The following MAP2K1 variants were observed in gnomAD, a reference collection of about 807,000 sequenced individuals.
The protein encoded by MAP2K1 is mitogen-activated protein kinase kinase 1, also known as dual specificity mitogen-activated protein kinase kinase 1.
A neutral mutation model predicts 46.3 loss-of-function variants in MAP2K1; 16 were observed. The observed-to-expected ratio is 0.35, with a 90% CI of 0.23 to 0.52. The LOEUF (loss-of-function observed/expected upper bound fraction) is 0.52. Among genes scored for constraint, MAP2K1 ranks in the 20% least tolerant of loss-of-function variants. The pLI is 0.94. For missense variants in MAP2K1, 263 were observed against 497.1 expected, an observed-to-expected ratio of 0.53 and a Z score of 4.48; for synonymous variants, 183 against 185.6, an observed-to-expected ratio of 0.99 and a Z score of 0.11.
chr15:66,398,064 T>G (rs1466678046), intron 1 of MAP2K1, among the ~76,000 whole-genome samples: 2 of 150,780 alleles, frequency 1.3e-5, no homozygotes, highest in African/African-American at 4.9e-5. Context: ...AGCATGCCAT[T>G]GCACTCCAGC....
At chr15:66,434,212 A>G (rs1311177241) in intron 1 of MAP2K1, among the ~76,000 whole-genome samples, 1 of 152,234 alleles carries the variant, frequency 6.6e-6, no homozygotes. Context: ...CATTACTGTC[A>G]AACTAGATGA....
chr15:66,455,827 C>G (rs1892152292), intron 5 of MAP2K1, among the ~76,000 whole-genome samples: 1 of 152,222 alleles, frequency 6.6e-6, no homozygotes, highest in African/African-American at 2.4e-5. Context: ...CTGGCTAGCT[C>G]AACTGGTCCA....
chr15:66,408,699 T>A (rs1214295428), intron 1 of MAP2K1, among the ~76,000 whole-genome samples: 1 of 152,210 alleles, frequency 6.6e-6, no homozygotes, highest in South Asian at 2.1e-4. Flanking sequence ...CCAGACATCT[T>A]CCTCAGTGGG....
At chr15:66,425,470 T>G (rs955135409) in intron 1 of MAP2K1, among the ~76,000 whole-genome samples, 1 of 152,240 alleles carries the variant, frequency 6.6e-6, no homozygotes, top group South Asian at 2.1e-4. Context: ...CTGACAGATG[T>G]GTAGGTGAGA....
intron 6 of MAP2K1, among the ~76,000 whole-genome samples, chr15:66,484,631 G>A (rs1421228116): frequency 6.6e-6 from 1 of 152,198 alleles, no homozygotes; most frequent in African/African-American, 2.4e-5. Context: ...GTGACAAGAT[G>A]AGCCTCTCAT....
chr15:66,478,232 G>C (rs993282785), intron 5 of MAP2K1, among the ~76,000 whole-genome samples: 1 of 146,772 alleles, frequency 6.8e-6, no homozygotes, highest in Admixed American at 6.9e-5. Context: ...TCCTCACAGG[G>C]TTTTATTATA....
intron 5 of MAP2K1, among the ~76,000 whole-genome samples, chr15:66,469,472 C>CTT (rs370379739): frequency 0.4 from 30,237 of 76,416 alleles, 9,359 homozygotes; most frequent in Non-Finnish European, 0.49. Flanking sequence ...CTGGTGCCTC[C>CTT]TTTTTTTTTT....
At chr15:66,460,080 ATC>A (rs1892281183) in intron 5 of MAP2K1, among the ~76,000 whole-genome samples, 2 of 152,220 alleles carry the variant, frequency 1.3e-5, no homozygotes, top group Admixed American at 1.3e-4. Flanking sequence ...TCCTGGCTAC[ATC>A]TCTCTCCCAT....
At chr15:66,405,837 C>T (rs2093395246) in intron 1 of MAP2K1, among the ~76,000 whole-genome samples, 1 of 152,198 alleles carries the variant, frequency 6.6e-6, no homozygotes, top group Non-Finnish European at 1.5e-5. Flanking sequence ...TGAAATAGCA[C>T]TTGGATTCCC....
At chr15:66,442,625 A>C (rs1448736293) in intron 3 of MAP2K1, among the ~76,000 whole-genome samples, 4 of 152,192 alleles carry the variant, frequency 2.6e-5, no homozygotes, top group African/African-American at 9.7e-5. Context: ...AACACAGAAG[A>C]CTTATGTGAC....
At chr15:66,489,365 C>A in intron 9 of MAP2K1, 89 bp downstream of exon 9, 1 of 1,277,474 alleles carries the variant, frequency 7.8e-7, no homozygotes, top group Non-Finnish European at 1.1e-6. Flanking sequence ...ATTGCTTCTG[C>A]AGGCAGAGTT....
intron 5 of MAP2K1, among the ~76,000 whole-genome samples, chr15:66,453,303 G>GA: frequency 6.6e-6 from 1 of 152,210 alleles, no homozygotes; most frequent in Non-Finnish European, 1.5e-5. Context: ...TCTTTGGCAT[G>GA]AAGAGATGCT....
At chr15:66,490,033 A>C in intron 10 of MAP2K1, 3 of 572,506 alleles carry the variant, frequency 5.2e-6, no homozygotes, top group Non-Finnish European at 6.2e-6. Context: ...CACCCCCTTC[A>C]TGGGGATGCG....
chr15:66,392,326 G>A (rs1258179378), intron 1 of MAP2K1, among the ~76,000 whole-genome samples: 1 of 135,664 alleles, frequency 7.4e-6, no homozygotes, highest in African/African-American at 2.8e-5. Flanking sequence ...ATAATGGTGC[G>A]TGCCACCACG....
At chr15:66,440,934 G>T (rs2093501985) in intron 3 of MAP2K1, among the ~76,000 whole-genome samples, 1 of 152,134 alleles carries the variant, frequency 6.6e-6, no homozygotes, top group African/African-American at 2.4e-5. Context: ...TTAAAGGGAA[G>T]AGAGCCAATG....
chr15:66,445,573 A>T (rs1395520887), intron 5 of MAP2K1, among the ~76,000 whole-genome samples: 2 of 152,254 alleles, frequency 1.3e-5, no homozygotes, highest in East Asian at 3.8e-4. Flanking sequence ...GAAACAACTG[A>T]AATGTCCTTC....
intron 8 of MAP2K1, 21 bp from the exon 9 acceptor site, chr15:66,489,194 T>C: frequency 1.2e-6 from 2 of 1,609,180 alleles, no homozygotes; most frequent in Non-Finnish European, 1.7e-6. Context: ...GCATTTTTCT[T>C]ATCTCAACAT....
intron 5 of MAP2K1, among the ~76,000 whole-genome samples, chr15:66,476,038 G>T (rs1029575317): frequency 2.0e-5 from 3 of 152,160 alleles, no homozygotes; most frequent in Non-Finnish European, 4.4e-5. Flanking sequence ...AGAAAATATC[G>T]GAGAAGAACA....
intron 5 of MAP2K1, among the ~76,000 whole-genome samples, chr15:66,452,762 G>C (rs999021644): frequency 5.9e-5 from 9 of 152,162 alleles, no homozygotes; most frequent in African/African-American, 2.2e-4. Flanking sequence ...CTTATAGAAA[G>C]CTCTAATATG....
Sources: gnomAD v4.1 joint callset for allele counts (sites outside exome capture counted in the v4.1 genomes callset) on GRCh38, gnomAD v4.1.1 for gene constraint, MANE v1.5 for transcripts, NCBI Gene and HGNC (gene_info 2026-07-23, HGNC 2026-07-21) for gene names.